MLLT10: variants seen among roughly 807,000 people sequenced by gnomAD.
MLLT10 encodes protein AF-10.
Under a neutral mutation model 129.1 loss-of-function variants are expected in MLLT10, and 30 were observed. That is an observed-to-expected ratio of 0.23 (90% CI 0.17 to 0.32). MLLT10 has a LOEUF of 0.32. Among genes scored for constraint, MLLT10 ranks in the 10% least tolerant of loss-of-function variants. The probability of loss-of-function intolerance (pLI) is 1.00; values close to 1 mark genes in which losing one functional copy is unlikely to be tolerated. For synonymous variants in MLLT10, 490 were observed against 446.4 expected, an observed-to-expected ratio of 1.10 and a Z score of -1.23; for missense variants, 1,119 against 1,268.3, an observed-to-expected ratio of 0.88 and a Z score of 1.79.
In MLLT10 at chr10:21,555,510, A is replaced by G. The variant is rs149344503; in HGVS notation, c.240+16598A>G. On this transcript the variant is annotated intron_variant, in intron 3 of 22. Transcript: ENST00000307729. ...AGTGCTGGGATTACAGGCGTGAGTC[A>G]CAATGCCTGGCTGATACTTTAATTG... Among the ~76,000 whole-genome samples the G allele has an allele frequency of 5.4e-3, 828 of 152,234 alleles. 6 individuals carry two copies. Among genetic ancestry groups the G allele is most frequent in the Non-Finnish European group, 7.4e-3 (500 of 68,018 alleles).
chr10:21,701,987 C>T (rs576194350), intron 13 of MLLT10, among the ~76,000 whole-genome samples: 1 of 151,856 alleles, frequency 6.6e-6, no homozygotes, highest in South Asian at 2.1e-4. Flanking sequence ...AGTGCAGTGG[C>T]TTGATCTCAG....
At chr10:21,669,521 C>T (rs942009142) in intron 9 of MLLT10, among the ~76,000 whole-genome samples, 2 of 152,048 alleles carry the variant, frequency 1.3e-5, no homozygotes, top group Non-Finnish European at 1.5e-5. Context: ...AAAGTATTAA[C>T]TTATCCAACA....
At chr10:21,652,818 G>A (rs1283888479) in intron 9 of MLLT10, among the ~76,000 whole-genome samples, 1 of 152,192 alleles carries the variant, frequency 6.6e-6, no homozygotes, top group East Asian at 1.9e-4. Context: ...CATTAGCAAG[G>A]TATGCAATCG....
At chr10:21,704,355 CTCTATA>C (rs759396837) in intron 13 of MLLT10, among the ~76,000 whole-genome samples, 8,068 of 69,962 alleles carry the variant, frequency 0.12, 205 homozygotes, top group East Asian at 0.17. Context: ...CTCTCTCTCT[CTCTATA>C]TATATATATA....
rs184476375 is a variant in MLLT10, at chr10:21,570,273, G to C, written c.241-16021G>C. Among the ~76,000 whole-genome samples the C allele has an allele frequency of 1.9e-4, 29 of 150,220 alleles. No homozygotes were observed. In the East Asian group the frequency reaches 4.3e-3, roughly 22 times the overall value. ...GTGTGTTTAGAGATGGGGTTCTGCA[G>C]TGTTGCCCACACTGGTCTCGAACTC... is the stretch of plus-strand genomic sequence containing the variant. On this transcript the variant is annotated intron_variant, in intron 3 of 22. Transcript: ENST00000307729.
At chr10:21,727,414 G>A (rs186965236) in intron 15 of MLLT10, among the ~76,000 whole-genome samples, 1 of 152,130 alleles carries the variant, frequency 6.6e-6, no homozygotes. Context: ...GTCTTGGTGT[G>A]CAGCTCTATG....
chr10:21,610,316 A>G (rs2044474735), intron 5 of MLLT10, among the ~76,000 whole-genome samples: 1 of 152,180 alleles, frequency 6.6e-6, no homozygotes, highest in South Asian at 2.1e-4. Context: ...TGGCCGTCAT[A>G]GGGTAAAACT....
In MLLT10 at chr10:21,735,126, A is replaced by T; in HGVS notation, c.2859-13A>T. 6.2e-7 allele frequency: 1 copy of T among 1,600,190 alleles called. No individual in the cohort carries two copies. The highest frequency in any genetic ancestry group is 8.5e-7 in the Non-Finnish European group (1 of 1,169,930). On this transcript the variant is annotated splice_polypyrimidine_tract_variant and intron_variant, in intron 20 of 22. Coordinates refer to ENST00000307729, the MANE Select transcript of MLLT10 (RefSeq NM_001195626.3). ...GTGTGTAGTAAAAAGTAAGAATTGTAATCATTTTTCAGTGCCTCAGGACTA... is the reference window on the plus strand; with the variant it reads ...GTGTGTAGTAAAAAGTAAGAATTGTTATCATTTTTCAGTGCCTCAGGACTA...
chr10:21,659,654 G>A (rs916317170), intron 9 of MLLT10, among the ~76,000 whole-genome samples: 4 of 151,736 alleles, frequency 2.6e-5, no homozygotes, highest in Admixed American at 2.6e-4. Flanking sequence ...GGAATTATAG[G>A]TGCCCACCAC....
At chr10:21,627,799 C>T (rs1243182) in intron 8 of MLLT10, among the ~76,000 whole-genome samples, 55,855 of 151,854 alleles carry the variant, frequency 0.37, 11,191 homozygotes, top group Middle Eastern at 0.53. Flanking sequence ...TTTTGGTCAA[C>T]AGTCTTTTCA....
chr10:21,650,589 T>G (rs1357963965), intron 8 of MLLT10, among the ~76,000 whole-genome samples: 2 of 151,944 alleles, frequency 1.3e-5, no homozygotes, highest in African/African-American at 4.8e-5. Flanking sequence ...TTGAAAAGAT[T>G]AAGGGCCCTC....
chr10:21,620,409 A>T (rs1447886479), intron 8 of MLLT10, among the ~76,000 whole-genome samples: 1 of 152,198 alleles, frequency 6.6e-6, no homozygotes, highest in Non-Finnish European at 1.5e-5. Context: ...TATGAAAACT[A>T]TGCATTTATT....
At chr10:21,690,222 T>G (rs1448196983) in intron 13 of MLLT10, among the ~76,000 whole-genome samples, 1 of 151,828 alleles carries the variant, frequency 6.6e-6, no homozygotes, top group Non-Finnish European at 1.5e-5. Flanking sequence ...ATTCAAGGAG[T>G]GATATTTCAT....
At chr10:21,658,868 G>A (rs554904888) in intron 9 of MLLT10, among the ~76,000 whole-genome samples, 38 of 152,162 alleles carry the variant, frequency 2.5e-4, no homozygotes, top group South Asian at 8.3e-4. Context: ...GGGTTTCGCC[G>A]TGTTAGCTAG....
At chr10:21,647,070 A>T (rs1330687311) in intron 8 of MLLT10, among the ~76,000 whole-genome samples, 1 of 151,964 alleles carries the variant, frequency 6.6e-6, no homozygotes, top group African/African-American at 2.4e-5. Context: ...CTTAGCCAGG[A>T]TGGTCTCGAT....
chr10:21,580,754 T>A (rs2131071504), intron 3 of MLLT10, among the ~76,000 whole-genome samples: 1 of 151,910 alleles, frequency 6.6e-6, no homozygotes, highest in East Asian at 1.9e-4. Context: ...TGGGCTGGAA[T>A]GCAATGGCGC....
chr10:21,618,628 G>A (rs186206449), intron 8 of MLLT10, among the ~76,000 whole-genome samples: 1 of 152,160 alleles, frequency 6.6e-6, no homozygotes, highest in African/African-American at 2.4e-5. Flanking sequence ...TAGGGCTGTT[G>A]TTTGGCATTT....
rs1347226877 is a variant in MLLT10 at position 21,617,080 on chromosome 10, A to T, written c.604-32A>T. ...TTTGTTTAAAAAGTTTTATATACATATACATATATGTATATATATTTTCTT... is the reference window on the plus strand; with the variant it reads ...TTTGTTTAAAAAGTTTTATATACATTTACATATATGTATATATATTTTCTT... On this transcript the variant is annotated intron_variant, in intron 7 of 22. Coordinates refer to ENST00000307729, the MANE Select transcript of MLLT10 (RefSeq NM_001195626.3). 6 of 1,064,264 alleles carry T rather than the reference A, an allele frequency of 5.6e-6. No homozygotes were observed. In the African/African-American group the frequency reaches 9.7e-5, roughly 17 times the overall value. The allele number at this position is 1,064,264 out of a possible 1,614,324, so 65.9% of individuals were successfully genotyped here.
intron 9 of MLLT10, among the ~76,000 whole-genome samples, chr10:21,656,224 C>T (rs905311762): frequency 6.6e-6 from 1 of 152,114 alleles, no homozygotes; most frequent in Non-Finnish European, 1.5e-5. Flanking sequence ...CTTATCTTCT[C>T]TTGATGGAAA....
Sources: gnomAD v4.1 joint callset for allele counts (sites outside exome capture counted in the v4.1 genomes callset) on GRCh38, gnomAD v4.1.1 for gene constraint, MANE v1.5 for transcripts, NCBI Gene and HGNC (gene_info 2026-07-23, HGNC 2026-07-21) for gene names.